Variants in ERO1B observed in about 807,000 individuals in gnomAD.
ERO1B encodes ERO1-like protein beta.
ERO1B carries 49 observed loss-of-function variants against 75.3 expected under a neutral mutation model. The ratio of observed to expected loss-of-function variants is 0.65; its 90% CI spans 0.52 to 0.83. ERO1B has a LOEUF of 0.83. Ranked by LOEUF, ERO1B falls within the 40% of genes least tolerant of loss-of-function variation. The probability of loss-of-function intolerance (pLI) is 0.00; values close to 1 mark genes in which losing one functional copy is unlikely to be tolerated. For missense variants in ERO1B, 512 were observed against 560.1 expected, an observed-to-expected ratio of 0.91 and a Z score of 0.87; for synonymous variants, 191 against 192.9, an observed-to-expected ratio of 0.99 and a Z score of 0.08.
At chr1:236,232,984 C>G (rs896671466) in intron 8 of ERO1B, 145 bp from the exon 9 acceptor site, 3 of 592,380 alleles carry the variant, frequency 5.1e-6, no homozygotes. Flanking sequence ...AATGAGTCCT[C>G]TTAATCAGAA....
chr1:236,256,856 G>A (rs1348337919), intron 2 of ERO1B, among the ~76,000 whole-genome samples: 2 of 152,150 alleles, frequency 1.3e-5, no homozygotes, highest in African/African-American at 4.8e-5. Context: ...CTAGACCACA[G>A]AGAACAAACA....
chr1:236,265,679 A>G (rs151127831), intron 2 of ERO1B, among the ~76,000 whole-genome samples: 4 of 152,362 alleles, frequency 2.6e-5, no homozygotes, highest in African/African-American at 9.6e-5. Context: ...TGCTTAAAAT[A>G]AAATCCAGCA....
intron 9 of ERO1B, among the ~76,000 whole-genome samples, chr1:236,230,894 G>T (rs577459307): frequency 9.2e-4 from 139 of 151,852 alleles, no homozygotes; most frequent in African/African-American, 3.2e-3. Context: ...CAGGAGATCG[G>T]ATCCAACCTG....
intron 7 of ERO1B, among the ~76,000 whole-genome samples, chr1:236,236,043 G>A (rs1034665556): frequency 1.3e-5 from 2 of 152,006 alleles, no homozygotes; most frequent in Non-Finnish European, 2.9e-5. Context: ...TCCTGCCTCA[G>A]CCTCCCAAGT....
At chr1:236,218,755 G>A (rs886175828) in intron 15 of ERO1B, among the ~76,000 whole-genome samples, 179 bp from the exon 16 acceptor site, 5 of 152,116 alleles carry the variant, frequency 3.3e-5, no homozygotes, top group African/African-American at 1.2e-4. Flanking sequence ...AGGGGCAAAG[G>A]AAGCCTGTTA....
At chr1:236,240,086 G>A (rs138593174) in intron 6 of ERO1B, among the ~76,000 whole-genome samples, 154 of 151,400 alleles carry the variant, frequency 1.0e-3, no homozygotes, top group Admixed American at 1.6e-3. Flanking sequence ...TGTATTATTA[G>A]TAGAGGCAGG....
At chr1:236,262,321 CA>C (rs1411507695) in intron 2 of ERO1B, among the ~76,000 whole-genome samples, 1 of 152,150 alleles carries the variant, frequency 6.6e-6, no homozygotes, top group East Asian at 1.9e-4. Context: ...TTACCTCATA[CA>C]AAAATGCTCT....
At chr1:236,245,706 C>T (rs1236363166) in intron 5 of ERO1B, among the ~76,000 whole-genome samples, 1 of 147,586 alleles carries the variant, frequency 6.8e-6, no homozygotes, top group East Asian at 2.0e-4. Flanking sequence ...CTGCCTCACC[C>T]TCCTGAGTAG....
At chr1:236,236,225 C>T in intron 7 of ERO1B, 53 bp downstream of exon 7, 1 of 1,607,074 alleles carries the variant, frequency 6.2e-7, no homozygotes, top group East Asian at 2.2e-5. Flanking sequence ...CAGCACCCGG[C>T]CTCTCCCGAC....
intron 2 of ERO1B, among the ~76,000 whole-genome samples, chr1:236,261,641 C>T (rs1158180514): frequency 1.3e-5 from 2 of 152,132 alleles, no homozygotes; most frequent in East Asian, 3.8e-4. Flanking sequence ...AAACTGAAGA[C>T]ATAAATAAGT....
At chr1:236,253,627 G>A in intron 2 of ERO1B, 122 bp from the exon 3 acceptor site, 1 of 655,606 alleles carries the variant, frequency 1.5e-6, no homozygotes, top group Non-Finnish European at 2.7e-6. Context: ...TATCCTCGTG[G>A]CACCTATAAG....
chr1:236,230,227 C>G lies in ERO1B; in HGVS notation c.709G>C (p.Glu237Gln), dbSNP rs1664370788. Residue 237 changes from glutamate to glutamine, a missense_variant, in exon 10 of 16, where the codon GAA becomes CAA. Transcript: ENST00000354619. ...DDGESFYTWL[E>Q]GLCLEKRVFY... ...AAATTTAGAACAGACTGTTTACCTT[C>G]TAGCCATGTGTAGAATGATTCTCCT... 1 of 1,592,664 alleles carries G rather than the reference C, an allele frequency of 6.3e-7. No homozygotes were observed. The highest frequency in any genetic ancestry group is 1.1e-5 in the South Asian group (1 of 89,736).
At chr1:236,224,196 T>A (rs777615854) in intron 13 of ERO1B, among the ~76,000 whole-genome samples, 45 of 152,202 alleles carry the variant, frequency 3.0e-4, no homozygotes, top group Non-Finnish European at 8.8e-5. Flanking sequence ...ATCTGCTATA[T>A]TCTTACACCA....
intron 6 of ERO1B, 124 bp from the exon 7 acceptor site, chr1:236,236,522 CT>C: frequency 1.0e-6 from 1 of 983,454 alleles, no homozygotes; most frequent in African/African-American, 1.6e-5. Context: ...TAATCTCCAA[CT>C]TAAATGGTAT....
At chr1:236,274,456 T>C (rs569803278) in intron 1 of ERO1B, among the ~76,000 whole-genome samples, 1 of 152,338 alleles carries the variant, frequency 6.6e-6, no homozygotes, top group East Asian at 1.9e-4. Context: ...TGATTCACTT[T>C]TCTGTTAGGT....
intron 2 of ERO1B, among the ~76,000 whole-genome samples, chr1:236,268,369 G>T (rs998076320): frequency 1.3e-5 from 2 of 151,864 alleles, no homozygotes; most frequent in African/African-American, 4.8e-5. Flanking sequence ...GAAGCCAGGA[G>T]GCGGAGGTTG....
At chr1:236,246,208 C>G (rs1664882918) in intron 5 of ERO1B, among the ~76,000 whole-genome samples, 1 of 152,124 alleles carries the variant, frequency 6.6e-6, no homozygotes, top group Admixed American at 6.6e-5. Context: ...CTTTGTCACT[C>G]AGGCTGGGGA....
At chr1:236,266,947 T>C (rs1349781237) in intron 2 of ERO1B, among the ~76,000 whole-genome samples, 2 of 152,320 alleles carry the variant, frequency 1.3e-5, no homozygotes, top group Admixed American at 6.5e-5. Context: ...GATTGTTGAG[T>C]AGCCAAGAAC....
chr1:236,257,303 C>T (rs140829540), intron 2 of ERO1B, among the ~76,000 whole-genome samples: 90 of 152,228 alleles, frequency 5.9e-4, no homozygotes, highest in African/African-American at 2.0e-3. Flanking sequence ...GAAACCAATA[C>T]AGAGTTAAGA....
Sources: gnomAD v4.1 joint callset for allele counts (sites outside exome capture counted in the v4.1 genomes callset) on GRCh38, gnomAD v4.1.1 for gene constraint, MANE v1.5 for transcripts, NCBI Gene and HGNC (gene_info 2026-07-23, HGNC 2026-07-21) for gene names.